The following BICRAL variants were observed in gnomAD, a reference collection of about 807,000 sequenced individuals.
The protein encoded by BICRAL is BICRA like chromatin remodeling complex associated protein.
In BICRAL, 8 loss-of-function variants were observed where a neutral mutation model predicts 91.8. The ratio of observed to expected loss-of-function variants is 0.09; its 90% CI spans 0.05 to 0.16. The LOEUF is 0.16. Among genes scored for constraint, BICRAL ranks in the 10% least tolerant of loss-of-function variants. The pLI, the probability that BICRAL is intolerant of heterozygous loss-of-function variation, is 1.00. For synonymous variants in BICRAL, 445 were observed against 491.1 expected (o/e 0.91, Z 1.24); for missense variants, 1,038 against 1,310.9 (o/e 0.79, Z 3.21).
At chr6:42,768,282 T>C (rs1397311644) in intron 1 of BICRAL, among the ~76,000 whole-genome samples, 1 of 152,202 alleles carries the variant, frequency 6.6e-6, no homozygotes, top group Non-Finnish European at 1.5e-5. Context: ...CTTTTAAAAG[T>C]GAAGTCCATT....
intron 1 of BICRAL, among the ~76,000 whole-genome samples, chr6:42,761,813 C>T (rs1430487399): frequency 6.6e-6 from 1 of 151,844 alleles, no homozygotes; most frequent in Non-Finnish European, 1.5e-5. Context: ...ACACAGAAGG[C>T]TGAGATCGGA....
chr6:42,841,449 A>C (rs1422535683), intron 6 of BICRAL, among the ~76,000 whole-genome samples: 3 of 151,976 alleles, frequency 2.0e-5, no homozygotes, highest in Non-Finnish European at 4.4e-5. Flanking sequence ...ACCCTCCCAA[A>C]GTGCTGGGAT....
At chr6:42,826,251 TGAGACAA>T (rs1764299322) in intron 5 of BICRAL, among the ~76,000 whole-genome samples, 1 of 135,308 alleles carries the variant, frequency 7.4e-6, no homozygotes, top group Non-Finnish European at 1.7e-5. Context: ...TTTTTTTTTT[TGAGACAA>T]GAGTCTCGCT....
At chr6:42,853,205 G>T (rs1765250152) in intron 7 of BICRAL, among the ~76,000 whole-genome samples, 1 of 150,962 alleles carries the variant, frequency 6.6e-6, no homozygotes, top group African/African-American at 2.4e-5. Context: ...TTTTTCTAAG[G>T]CTTTGAACAT....
At chr6:42,831,233 T>C (rs1226271798) in intron 6 of BICRAL, among the ~76,000 whole-genome samples, 2 of 152,200 alleles carry the variant, frequency 1.3e-5, no homozygotes, top group African/African-American at 2.4e-5. Context: ...GTATTTACAT[T>C]GTATAGCAGG....
intron 6 of BICRAL, among the ~76,000 whole-genome samples, chr6:42,839,780 A>G (rs1315211731): frequency 1.3e-5 from 2 of 152,186 alleles, no homozygotes; most frequent in African/African-American, 2.4e-5. Context: ...AATTTGATCA[A>G]TGGAAGCCTG....
At chr6:42,783,714 T>G (rs372410447) in intron 1 of BICRAL, among the ~76,000 whole-genome samples, 79 of 152,312 alleles carry the variant, frequency 5.2e-4, no homozygotes, top group East Asian at 9.7e-4. Flanking sequence ...GGGGCCAGCT[T>G]CTTCCTCCTA....
At position 42,787,596 on chromosome 6, in the gene BICRAL, G is replaced by T. The variant is rs150268028; in HGVS notation, c.-102+5495G>T. On this transcript the variant is annotated intron_variant, in intron 1 of 12. Transcript: ENST00000314073. Reference sequence around the variant, plus strand: ...AAGCTTGGGCAAAGGAGACTGAAAAGGTTCAGCCATTAAAGTGGGAGAGTA... The same window carrying T: ...AAGCTTGGGCAAAGGAGACTGAAAATGTTCAGCCATTAAAGTGGGAGAGTA... Among the ~76,000 whole-genome samples the T allele has an allele frequency of 4.4e-3, 671 of 152,166 alleles. 5 individuals are homozygous for T. Among genetic ancestry groups the T allele is most frequent in the African/African-American group, 0.015 (638 of 41,518 alleles).
intron 1 of BICRAL, among the ~76,000 whole-genome samples, chr6:42,797,270 C>T (rs2082572047): frequency 1.3e-5 from 2 of 151,768 alleles, no homozygotes; most frequent in African/African-American, 2.4e-5. Context: ...ATAAGAGAGG[C>T]GGACAGTAAG....
At chr6:42,762,784 C>T (rs1215047570) in intron 1 of BICRAL, among the ~76,000 whole-genome samples, 2 of 152,036 alleles carry the variant, frequency 1.3e-5, no homozygotes, top group Non-Finnish European at 2.9e-5. Context: ...TAACTTAAGC[C>T]TGGTGTGGTG....
At chr6:42,861,386 C>G (rs1270872746) in intron 11 of BICRAL, among the ~76,000 whole-genome samples, 1 of 152,190 alleles carries the variant, frequency 6.6e-6, no homozygotes, top group Non-Finnish European at 1.5e-5. Flanking sequence ...GTCATCACCA[C>G]TGTCTAATTG....
chr6:42,817,771 C>T (rs898760878), intron 2 of BICRAL, among the ~76,000 whole-genome samples: 7 of 151,812 alleles, frequency 4.6e-5, no homozygotes, highest in African/African-American at 1.7e-4. Flanking sequence ...TTTGTTAAAA[C>T]CAATTAATAC....
chr6:42,790,909 T>C (rs1763253837), intron 1 of BICRAL, among the ~76,000 whole-genome samples: 1 of 151,598 alleles, frequency 6.6e-6, no homozygotes, highest in African/African-American at 2.4e-5. Context: ...GAAATGAGTA[T>C]GGAGAGGTGA....
chr6:42,806,492 A>G (rs113255010), intron 1 of BICRAL, among the ~76,000 whole-genome samples: 2,164 of 150,420 alleles, frequency 0.014, 47 homozygotes, highest in African/African-American at 0.05. Context: ...GACCACAGGC[A>G]TGTGCCACCA....
At chr6:42,820,736 C>T (rs933997905) in intron 2 of BICRAL, among the ~76,000 whole-genome samples, 5 of 152,134 alleles carry the variant, frequency 3.3e-5, no homozygotes, top group Admixed American at 1.3e-4. Flanking sequence ...CTTCTTCCTC[C>T]TTTCTCAACC....
upstream of BICRAL, among the ~76,000 whole-genome samples, chr6:42,781,003 T>C (rs1483356378): frequency 1.3e-5 from 2 of 151,982 alleles, no homozygotes. Context: ...TCCCAAAGTG[T>C]TGGAATTACA....
upstream of BICRAL, among the ~76,000 whole-genome samples, chr6:42,779,895 C>T (rs1225457558): frequency 1.3e-5 from 2 of 152,032 alleles, no homozygotes; most frequent in African/African-American, 2.4e-5. Flanking sequence ...GGATTGCAAG[C>T]GTGAGCCACG....
At chr6:42,747,604 A>G (rs1392542330) in intron 1 of BICRAL, among the ~76,000 whole-genome samples, 1 of 152,146 alleles carries the variant, frequency 6.6e-6, no homozygotes, top group African/African-American at 2.4e-5. Context: ...CACAGTTCAT[A>G]CCGTGTGGCA....
intron 2 of BICRAL, among the ~76,000 whole-genome samples, chr6:42,811,183 T>C (rs541261376): frequency 6.6e-6 from 1 of 152,292 alleles, no homozygotes; most frequent in Admixed American, 6.5e-5. Context: ...CAGTGACTCC[T>C]GAGAGGACAA....
Sources: gnomAD v4.1 joint callset for allele counts (sites outside exome capture counted in the v4.1 genomes callset) on GRCh38, gnomAD v4.1.1 for gene constraint, MANE v1.5 for transcripts, NCBI Gene and HGNC (gene_info 2026-07-23, HGNC 2026-07-21) for gene names.